Variants in ATXN8OS observed in about 807,000 individuals in gnomAD.
ATXN8OS encodes the protein ATXN8 opposite strand lncRNA.
chr13:70,122,232 C>CTCTACCACCAT (rs1220769147), intron 2 of ATXN8OS, among the ~76,000 whole-genome samples: 2 of 151,854 alleles, frequency 1.3e-5, no homozygotes, highest in Non-Finnish European at 2.9e-5. Flanking sequence ...AAAAATTTTA[C>CTCTACCACCAT]TCTACCACCA....
intron 3 of ATXN8OS, among the ~76,000 whole-genome samples, chr13:70,145,882 C>T (rs1250820318): frequency 2.0e-5 from 3 of 150,650 alleles, no homozygotes; most frequent in African/African-American, 7.3e-5. Flanking sequence ...ACACCAAAAG[C>T]AATGGCAACA....
rs542588833 is a variant in ATXN8OS, at chr13:70,110,434, A to G, written n.240+2415A>G. On this transcript the variant is annotated intron_variant and non_coding_transcript_variant, in intron 1 of 4. Coordinates refer to ENST00000678624, the Ensembl canonical transcript of ATXN8OS. Reference sequence around the variant, plus strand: ...GTTATGTTAAACTGAAATGACTGACAAAGATGATTATATTATTTTCACTTG... The same window carrying G: ...GTTATGTTAAACTGAAATGACTGACGAAGATGATTATATTATTTTCACTTG... 4.9e-4 allele frequency among the ~76,000 whole-genome samples: 74 copies of G among 152,202 alleles called. 1 individual carries two copies. Among genetic ancestry groups the G allele is most frequent in the African/African-American group, 1.8e-3 (74 of 41,562 alleles).
chr13:70,154,261 C>T (rs1888908693), intron 4 of ATXN8OS, among the ~76,000 whole-genome samples: 1 of 152,132 alleles, frequency 6.6e-6, no homozygotes, highest in Admixed American at 6.6e-5. Context: ...AATCTCTTTT[C>T]AGTAATTAAA....
intron 2 of ATXN8OS, among the ~76,000 whole-genome samples, chr13:70,119,280 C>G (rs1047744951): frequency 6.6e-6 from 1 of 152,096 alleles, no homozygotes; most frequent in Non-Finnish European, 1.5e-5. Flanking sequence ...AGTTCTCTAG[C>G]AATCACACAG....
intron 2 of ATXN8OS, among the ~76,000 whole-genome samples, chr13:70,119,632 T>A (rs1888329688): frequency 6.6e-6 from 1 of 152,084 alleles, no homozygotes; most frequent in Non-Finnish European, 1.5e-5. Flanking sequence ...AGGTTGAACA[T>A]CTGTAATATG....
At chr13:70,109,385 T>G (rs139408450) in intron 1 of ATXN8OS, among the ~76,000 whole-genome samples, 1 of 152,174 alleles carries the variant, frequency 6.6e-6, no homozygotes, top group African/African-American at 2.4e-5. Context: ...ATGGTTGTTG[T>G]CCATTCATGA....
intron 4 of ATXN8OS, among the ~76,000 whole-genome samples, chr13:70,155,950 C>A (rs1345300311): frequency 6.6e-6 from 1 of 152,044 alleles, no homozygotes; most frequent in Admixed American, 6.6e-5. Context: ...TTTAAAGATT[C>A]TATTTGTGTT....
At chr13:70,121,848 A>G (rs1469704781) in intron 2 of ATXN8OS, among the ~76,000 whole-genome samples, 3 of 152,058 alleles carry the variant, frequency 2.0e-5, no homozygotes, top group South Asian at 2.1e-4. Flanking sequence ...AAGCAAGAAG[A>G]AGGAGGAATG....
intron 2 of ATXN8OS, among the ~76,000 whole-genome samples, chr13:70,126,799 T>C (rs1888444077): frequency 6.6e-6 from 1 of 151,788 alleles, no homozygotes; most frequent in Non-Finnish European, 1.5e-5. Context: ...TCTAGATCTA[T>C]ATCTACAAAT....
chr13:70,140,391 G>T (rs755618894), intron 3 of ATXN8OS, among the ~76,000 whole-genome samples: 1 of 151,946 alleles, frequency 6.6e-6, no homozygotes, highest in Non-Finnish European at 1.5e-5. Flanking sequence ...GAGCCTATCT[G>T]TATCTTAAAT....
chr13:70,107,841 GGCTGCGC>G (rs1199204912), exon 1 of ATXN8OS: 2 of 638,392 alleles, frequency 3.1e-6, no homozygotes, highest in Non-Finnish European at 5.1e-6. Flanking sequence ...ACGCTAGGTG[GGCTGCGC>G]GCTCTGCCAG....
chr13:70,167,720 C>CTTTT (rs1356536326), intron 4 of ATXN8OS, among the ~76,000 whole-genome samples: 3 of 87,334 alleles, frequency 3.4e-5, no homozygotes, highest in Admixed American at 1.5e-4. Context: ...ACATATGTAA[C>CTTTT]TTCTTTTTTT....
intron 3 of ATXN8OS, among the ~76,000 whole-genome samples, chr13:70,147,170 ACAACT>A (rs1888797659): frequency 1.3e-5 from 2 of 152,300 alleles, no homozygotes; most frequent in Non-Finnish European, 2.9e-5. Flanking sequence ...TAAAGATAAT[ACAACT>A]AACTTCGAAA....
intron 2 of ATXN8OS, among the ~76,000 whole-genome samples, chr13:70,115,954 G>C (rs959346235): frequency 6.6e-6 from 1 of 152,096 alleles, no homozygotes; most frequent in African/African-American, 2.4e-5. Context: ...GAAATGCAAT[G>C]TGCAAGTTAG....
At chr13:70,150,315 C>A (rs1888844521) in intron 4 of ATXN8OS, among the ~76,000 whole-genome samples, 1 of 152,030 alleles carries the variant, frequency 6.6e-6, no homozygotes, top group Non-Finnish European at 1.5e-5. Context: ...CTTCTCTATT[C>A]TAAGAGGAAG....
intron 3 of ATXN8OS, among the ~76,000 whole-genome samples, chr13:70,143,316 G>T (rs1285006939): frequency 6.6e-6 from 1 of 151,694 alleles, no homozygotes; most frequent in Non-Finnish European, 1.5e-5. Flanking sequence ...GTTGCCCTGA[G>T]GTATCACCCA....
chr13:70,137,488 G>C (rs902839387), intron 3 of ATXN8OS, among the ~76,000 whole-genome samples: 1 of 152,150 alleles, frequency 6.6e-6, no homozygotes, highest in African/African-American at 2.4e-5. Flanking sequence ...GAGCTAAATG[G>C]ACTTCGTTAT....
intron 2 of ATXN8OS, among the ~76,000 whole-genome samples, chr13:70,122,457 A>C (rs1888372812): frequency 6.6e-6 from 1 of 152,018 alleles, no homozygotes. Context: ...AAATTAACTG[A>C]ATAAAACATG....
intron 3 of ATXN8OS, among the ~76,000 whole-genome samples, chr13:70,147,207 G>T (rs1888798047): frequency 6.6e-6 from 1 of 152,098 alleles, no homozygotes; most frequent in Admixed American, 6.6e-5. Context: ...TTCTAGAAAA[G>T]AAATATTGTT....
Sources: gnomAD v4.1 joint callset for allele counts (sites outside exome capture counted in the v4.1 genomes callset) on GRCh38, gnomAD v4.1.1 for gene constraint, MANE v1.5 for transcripts, NCBI Gene and HGNC (gene_info 2026-07-23, HGNC 2026-07-21) for gene names.